Variants in RNF111 observed in about 807,000 individuals in gnomAD.
RNF111 encodes ring finger protein 111.
In RNF111, 17 loss-of-function variants were observed where a neutral mutation model predicts 95.1. That is an observed-to-expected ratio of 0.18 (90% confidence interval 0.12 to 0.27). The LOEUF (loss-of-function observed/expected upper bound fraction) is 0.27, where lower values mean the gene tolerates loss of function less well. Ranked by LOEUF, RNF111 falls within the 10% of genes least tolerant of loss-of-function variation. The pLI is 1.00. For synonymous variants in RNF111, 440 were observed against 414.8 expected (o/e 1.06, Z -0.74); for missense variants, 1,189 against 1,210.4 (o/e 0.98, Z 0.26).
intron 5 of RNF111, chr15:59,058,759 G>C: frequency 4.0e-6 from 2 of 501,286 alleles, no homozygotes; most frequent in Non-Finnish European, 7.1e-6. Context: ...GAGTATTATA[G>C]CTCAAATAAG....
At chr15:59,066,450 A>G (rs1449054160) in intron 5 of RNF111, among the ~76,000 whole-genome samples, 3 of 152,068 alleles carry the variant, frequency 2.0e-5, no homozygotes, top group African/African-American at 7.2e-5. Flanking sequence ...ATCTGTACTA[A>G]AAATACAAAA....
At chr15:59,042,122 CA>C (rs1189151678) in intron 2 of RNF111, among the ~76,000 whole-genome samples, 1 of 151,118 alleles carries the variant, frequency 6.6e-6, no homozygotes, top group Non-Finnish European at 1.5e-5. Context: ...ACTTTTATGC[CA>C]AATTTTTTTT....
At chr15:58,988,632 C>T (rs2038675080) in intron 1 of RNF111, among the ~76,000 whole-genome samples, 1 of 152,228 alleles carries the variant, frequency 6.6e-6, no homozygotes, top group African/African-American at 2.4e-5. Flanking sequence ...GTGGGAATAT[C>T]TGTTCAGTGC....
intron 1 of RNF111, among the ~76,000 whole-genome samples, chr15:59,007,437 C>T (rs1011581564): frequency 1.3e-5 from 2 of 152,060 alleles, no homozygotes; most frequent in African/African-American, 2.4e-5. Context: ...TTTGGTATCC[C>T]GTTGTAGCTG....
In RNF111 at chr15:59,066,795, A is replaced by C; in HGVS notation, c.1398A>C (p.Val466=). The change falls in exon 6 of 14, where the codon GTA becomes GTC. Residue 466 remains valine (V), a synonymous_variant. Transcript: ENST00000348370. ...DDSRRTTSSA[V]TETGPPAMPR... Reference sequence around the variant, plus strand: ...CAAGGAGAACTACATCTAGTGCTGTAACGGAAACTGGCCCTCCTGCAATGC... The same window carrying C: ...CAAGGAGAACTACATCTAGTGCTGTCACGGAAACTGGCCCTCCTGCAATGC... 1 of 1,613,986 alleles carries C rather than the reference A, an allele frequency of 6.2e-7. No homozygotes were observed. The highest frequency in any genetic ancestry group is 8.5e-7 in the Non-Finnish European group (1 of 1,179,950).
At chr15:59,064,345 C>G (rs1242110409) in intron 5 of RNF111, among the ~76,000 whole-genome samples, 1 of 151,956 alleles carries the variant, frequency 6.6e-6, no homozygotes, top group East Asian at 1.9e-4. Context: ...ACCATCCTGG[C>G]TAACATGGTG....
In RNF111 at chr15:59,031,359, A is replaced by G. The variant is rs753635801; in HGVS notation, c.537A>G (p.Ala179=). The part of the protein sequence containing the change: ...ILNAKSRSHS[A]RSHKWPRTET... The stretch of plus-strand genomic sequence containing the variant: ...ATGCTAAAAGTAGAAGCCATAGTGC[A>G]CGGTCTCATAAGTGGCCTCGGACTG... The change falls in exon 2 of 14, where the codon GCA becomes GCG. Residue 179 remains alanine, a synonymous_variant. Transcript: ENST00000348370. The G allele has an allele frequency of 1.1e-5, 18 of 1,614,084 alleles. No homozygotes were observed. The Admixed American group carries it at 3.0e-4, about 27-fold the overall frequency.
At chr15:59,075,029 C>G (rs1308162614) in intron 6 of RNF111, among the ~76,000 whole-genome samples, 1 of 152,088 alleles carries the variant, frequency 6.6e-6, no homozygotes, top group African/African-American at 2.4e-5. Flanking sequence ...AATTTGTTGT[C>G]TTATATGGGC....
chr15:59,041,526 A>G (rs533555103), intron 2 of RNF111, among the ~76,000 whole-genome samples: 1 of 152,174 alleles, frequency 6.6e-6, no homozygotes, highest in East Asian at 1.9e-4. Flanking sequence ...GTGCCACTGC[A>G]CTCCAGCCTG....
At chr15:59,016,572 T>C (rs2040078079) in intron 1 of RNF111, among the ~76,000 whole-genome samples, 1 of 152,182 alleles carries the variant, frequency 6.6e-6, no homozygotes, top group South Asian at 2.1e-4. Context: ...TATACCATAT[T>C]AGTCAACATT....
At chr15:58,989,874 C>CT (rs35673657) in intron 1 of RNF111, among the ~76,000 whole-genome samples, 156 of 147,012 alleles carry the variant, frequency 1.1e-3, no homozygotes, top group Middle Eastern at 3.5e-3. Flanking sequence ...ATGTTTCCTT[C>CT]TTTTTTTTTT....
At chr15:58,990,487 GA>G (rs1164357642) in intron 1 of RNF111, among the ~76,000 whole-genome samples, 7 of 152,034 alleles carry the variant, frequency 4.6e-5, no homozygotes, top group Non-Finnish European at 8.8e-5. Flanking sequence ...CATCTCTACT[GA>G]AAATACAAAA....
intron 2 of RNF111, among the ~76,000 whole-genome samples, chr15:59,040,373 A>C (rs1046328551): frequency 1.3e-5 from 2 of 151,944 alleles, no homozygotes; most frequent in African/African-American, 2.4e-5. Context: ...AACTTATCCT[A>C]CCATGTTAGC....
Position 59,030,961 on chromosome 15 carries a change from A to G in RNF111, c.139A>G (p.Lys47Glu). The part of the protein sequence containing the change: ...LLHPEPIGAA[K>E]SFPAGVEMIN... ...GCATCCAGAGCCCATTGGGGCAGCC[A>G]AAAGTTTTCCTGCAGGAGTTGAGAT... Residue 47 changes from lysine to glutamate, a missense_variant, in exon 2 of 14, where the codon AAA (lysine) becomes GAA (glutamate). Transcript: ENST00000348370. 1 of 1,614,210 alleles carries G rather than the reference A, an allele frequency of 6.2e-7. No homozygotes were observed. Among genetic ancestry groups the G allele is most frequent in the Non-Finnish European group, 8.5e-7 (1 of 1,180,028 alleles).
chr15:59,028,380 G>A lies in RNF111; in HGVS notation c.-19-2424G>A, dbSNP rs185554873. On this transcript the variant is annotated intron_variant, in intron 1 of 13. Transcript: ENST00000348370. ...CAGTGGATGCCTGAAACCATATAGT[G>A]TTTTTTTTTTCATATACCTACATGC... 7.4e-5 allele frequency among the ~76,000 whole-genome samples: 11 copies of A among 148,452 alleles called. No individual in the cohort carries two copies. The East Asian group carries it at 2.2e-3, about 29-fold the overall frequency.
chr15:58,990,756 G>A (rs1281748178), intron 1 of RNF111, among the ~76,000 whole-genome samples: 1 of 152,118 alleles, frequency 6.6e-6, no homozygotes, highest in Non-Finnish European at 1.5e-5. Flanking sequence ...CTTTCAGATG[G>A]TACTAAAAAT....
chr15:59,075,836 G>A, intron 6 of RNF111, 118 bp from the exon 7 acceptor site: 1 of 1,100,350 alleles, frequency 9.1e-7, no homozygotes, highest in Admixed American at 2.7e-5. Context: ...GAATCTTCCT[G>A]GTTTCAAACT....
intron 7 of RNF111, among the ~76,000 whole-genome samples, chr15:59,080,191 G>A (rs1488197164): frequency 1.5e-5 from 2 of 136,474 alleles, no homozygotes; most frequent in African/African-American, 5.6e-5. Flanking sequence ...CATGATCTCA[G>A]CTCACTGCAT....
chr15:59,058,996 G>A (rs2042319026), intron 5 of RNF111, among the ~76,000 whole-genome samples: 1 of 152,168 alleles, frequency 6.6e-6, no homozygotes, highest in African/African-American at 2.4e-5. Context: ...CTGCCCAACA[G>A]GCCGGGTGTG....
Sources: gnomAD v4.1 joint callset for allele counts (sites outside exome capture counted in the v4.1 genomes callset) on GRCh38, gnomAD v4.1.1 for gene constraint, MANE v1.5 for transcripts, NCBI Gene and HGNC (gene_info 2026-07-23, HGNC 2026-07-21) for gene names.